CRPPA: variants seen among roughly 807,000 people sequenced by gnomAD.
The protein encoded by CRPPA is D-ribitol-5-phosphate cytidylyltransferase.
Under a neutral mutation model 52.0 loss-of-function variants are expected in CRPPA, and 43 were observed. That is an observed-to-expected ratio of 0.83 (90% CI 0.65 to 1.07). The LOEUF is 1.07. Among genes scored for constraint, CRPPA ranks in the 50% least tolerant of loss-of-function variants. The pLI, the probability that CRPPA is intolerant of heterozygous loss-of-function variation, is 0.00. For synonymous variants in CRPPA, 250 were observed against 203.5 expected (o/e 1.23, Z -1.94); for missense variants, 629 against 551.7 (o/e 1.14, Z -1.40).
intron 9 of CRPPA, among the ~76,000 whole-genome samples, chr7:16,147,767 G>T (rs906571928): frequency 3.9e-5 from 6 of 152,154 alleles, no homozygotes; most frequent in African/African-American, 1.4e-4. Context: ...CATATTAACA[G>T]GTATCCCAAG....
rs375039862 is a variant in CRPPA at position 16,089,615 on chromosome 7, A to G, written c.*2080T>C. 3.7e-5 allele frequency: 8 copies of G among 217,850 alleles called. No individual in the cohort carries two copies. In the East Asian group the frequency reaches 5.5e-4, roughly 15 times the overall value. The allele number at this position is 217,850 out of a possible 1,614,324, so 13.5% of individuals were successfully genotyped here. On this transcript the variant is annotated 3_prime_UTR_variant, in exon 10 of 10. Coordinates refer to ENST00000407010, the MANE Select transcript of CRPPA (RefSeq NM_001101426.4). The stretch of plus-strand genomic sequence containing the variant: ...TATATACATATATATGGGTATACAT[A>G]CATGTATATGTATGTATGTATTTTT...
chr7:16,112,693 G>C (rs1053202025), intron 9 of CRPPA, among the ~76,000 whole-genome samples: 4 of 152,126 alleles, frequency 2.6e-5, no homozygotes, highest in African/African-American at 9.7e-5. Flanking sequence ...GCAATTAATG[G>C]AACCTTTCTT....
intron 8 of CRPPA, chr7:16,216,421 C>A: frequency 3.0e-6 from 1 of 338,322 alleles, no homozygotes; most frequent in Non-Finnish European, 5.4e-6. Flanking sequence ...GTTGAAAAAC[C>A]AAATGCTGGG....
chr7:16,286,066 T>TAATATTTAA (rs1562608529), intron 5 of CRPPA, among the ~76,000 whole-genome samples: 2 of 25,842 alleles, frequency 7.7e-5, no homozygotes, highest in Non-Finnish European at 1.4e-4. Context: ...TATATATATA[T>TAATATTTAA]ATATATATAT....
At chr7:16,280,185 C>A (rs1253172145) in intron 5 of CRPPA, among the ~76,000 whole-genome samples, 1 of 152,172 alleles carries the variant, frequency 6.6e-6, no homozygotes, top group Non-Finnish European at 1.5e-5. Context: ...ACAGCCAAAC[C>A]ATGTCAAAAG....
intron 5 of CRPPA, among the ~76,000 whole-genome samples, chr7:16,280,526 TTTA>T (rs1431607438): frequency 3.3e-5 from 5 of 152,150 alleles, no homozygotes; most frequent in African/African-American, 1.2e-4. Context: ...GCCACAAACA[TTTA>T]TATAAATTTG....
At chr7:16,364,328 T>A (rs1229193757) in intron 3 of CRPPA, among the ~76,000 whole-genome samples, 1 of 152,226 alleles carries the variant, frequency 6.6e-6, no homozygotes, top group African/African-American at 2.4e-5. Context: ...AATTGATGAA[T>A]GAATTCTTAA....
intron 9 of CRPPA, among the ~76,000 whole-genome samples, chr7:16,123,622 T>A (rs1782519448): frequency 6.6e-6 from 1 of 152,136 alleles, no homozygotes; most frequent in African/African-American, 2.4e-5. Context: ...AACTCTAAGA[T>A]ATGGGTTGTA....
intron 6 of CRPPA, among the ~76,000 whole-genome samples, chr7:16,264,926 T>C (rs1372888406): frequency 6.6e-6 from 1 of 152,200 alleles, no homozygotes; most frequent in African/African-American, 2.4e-5. Flanking sequence ...GCTGTGTGAC[T>C]TTGGGCAAGT....
At chr7:16,144,058 AAATTCT>A (rs1782924903) in intron 9 of CRPPA, among the ~76,000 whole-genome samples, 1 of 152,180 alleles carries the variant, frequency 6.6e-6, no homozygotes, top group Admixed American at 6.5e-5. Flanking sequence ...AGAGGGAAGG[AAATTCT>A]AGTGGAGCCA....
chr7:16,360,147 A>G lies in CRPPA; in HGVS notation c.684+15945T>C, dbSNP rs1392221952. ...CTACGGAACAAGTGTGAACTAGGAT[A>G]AAAGTATTTTTTAGAAAGTAGTATT... On this transcript the variant is annotated intron_variant, in intron 3 of 9. Coordinates refer to ENST00000407010, the MANE Select transcript of CRPPA (RefSeq NM_001101426.4). Among the ~76,000 whole-genome samples, 3 of 152,252 alleles carry G rather than the reference A, an allele frequency of 2.0e-5. No individual in the cohort carries two copies. The East Asian group carries it at 5.8e-4, about 29-fold the overall frequency.
At chr7:16,400,266 C>T (rs6949112) in intron 2 of CRPPA, among the ~76,000 whole-genome samples, 2 of 152,152 alleles carry the variant, frequency 1.3e-5, no homozygotes, top group East Asian at 1.9e-4. Flanking sequence ...GTGATTGTCA[C>T]GTGATTACCT....
chr7:16,336,272 C>A (rs563871690), intron 3 of CRPPA, among the ~76,000 whole-genome samples: 2 of 151,986 alleles, frequency 1.3e-5, no homozygotes, highest in South Asian at 4.2e-4. Context: ...AGTTAAAAGA[C>A]AAAACTATTA....
intron 1 of CRPPA, among the ~76,000 whole-genome samples, chr7:16,413,814 C>T (rs975318025): frequency 6.6e-6 from 1 of 152,060 alleles, no homozygotes; most frequent in African/African-American, 2.4e-5. Flanking sequence ...CATTGATTTC[C>T]AAGCCCAATC....
At chr7:16,363,167 A>C (rs1272453107) in intron 3 of CRPPA, among the ~76,000 whole-genome samples, 3 of 152,200 alleles carry the variant, frequency 2.0e-5, no homozygotes, top group East Asian at 1.9e-4. Flanking sequence ...AAGTTTAGAA[A>C]GTCTTAATGA....
intron 9 of CRPPA, among the ~76,000 whole-genome samples, chr7:16,111,258 T>C (rs576675945): frequency 1.2e-4 from 18 of 152,214 alleles, no homozygotes; most frequent in South Asian, 8.3e-4. Flanking sequence ...GAATGGCTAC[T>C]ACCAAGAAGA....
intron 9 of CRPPA, among the ~76,000 whole-genome samples, chr7:16,174,456 G>C (rs758931358): frequency 6.6e-6 from 1 of 152,146 alleles, no homozygotes; most frequent in Non-Finnish European, 1.5e-5. Context: ...ACTCGTTAGA[G>C]AAATAAGCAA....
At chr7:16,328,193 T>C (rs1392640584) in intron 3 of CRPPA, among the ~76,000 whole-genome samples, 1 of 152,224 alleles carries the variant, frequency 6.6e-6, no homozygotes, top group Admixed American at 6.5e-5. Context: ...TTTTCATGGT[T>C]TCTCCTCCTG....
intron 2 of CRPPA, among the ~76,000 whole-genome samples, chr7:16,398,862 T>C (rs1201253633): frequency 6.6e-6 from 1 of 152,230 alleles, no homozygotes; most frequent in African/African-American, 2.4e-5. Context: ...AACTGGCATG[T>C]GTCCAACACG....
Sources: gnomAD v4.1 joint callset for allele counts (sites outside exome capture counted in the v4.1 genomes callset) on GRCh38, gnomAD v4.1.1 for gene constraint, MANE v1.5 for transcripts, NCBI Gene and HGNC (gene_info 2026-07-23, HGNC 2026-07-21) for gene names.